MAN1C1: variants seen among roughly 807,000 people sequenced by gnomAD.
MAN1C1 encodes the protein mannosidase alpha class 1C member 1, also known as mannosyl-oligosaccharide 1,2-alpha-mannosidase IC.
A neutral mutation model predicts 71.5 loss-of-function variants in MAN1C1; 49 were observed. The ratio of observed to expected loss-of-function variants is 0.69; its 90% CI spans 0.54 to 0.87. The LOEUF is 0.87. MAN1C1 is among the 40% of genes least tolerant of loss of function. The pLI is 0.00. For missense variants in MAN1C1, 743 were observed against 835.0 expected (o/e 0.89, Z 1.36); for synonymous variants, 352 against 343.7 (o/e 1.02, Z -0.27).
Position 25,677,608 on chromosome 1 carries a change from C to T in MAN1C1, c.541-8832C>T, listed in dbSNP as rs140640065. ...CTTTCCCCAGTCAGCTACTGCACTG[C>T]CCTGGCCCATGTTTCTTAGAGACAT... On this transcript the variant is annotated intron_variant, in intron 1 of 11. Transcript: ENST00000374332. Among the ~76,000 whole-genome samples the T allele has an allele frequency of 3.2e-4, 48 of 152,248 alleles. No homozygotes were observed. The East Asian group carries it at 8.9e-3, about 28-fold the overall frequency.
In MAN1C1 at chr1:25,778,337, G is replaced by C; in HGVS notation, c.1477+13G>C. On this transcript the variant is annotated intron_variant, in intron 9 of 11. Transcript: ENST00000374332. The surrounding 1 kb of genome is among the most constrained non-coding windows in gnomAD (Gnocchi z 5.5). ...TACGCCCGCTCAGGTAACCCTGCAA[G>C]GGGAAGGGGCAGCAGGAGAGACTGA... The C allele has an allele frequency of 6.3e-7, 1 of 1,599,410 alleles. No individual in the cohort carries two copies. The highest frequency in any genetic ancestry group is 1.3e-5 in the African/African-American group (1 of 74,488).
intron 1 of MAN1C1, among the ~76,000 whole-genome samples, chr1:25,648,984 T>C (rs1320103902): frequency 6.6e-6 from 1 of 152,242 alleles, no homozygotes; most frequent in Non-Finnish European, 1.5e-5. Flanking sequence ...TGACTACCTG[T>C]CTTCTACTTC....
At chr1:25,777,984 G>A (rs1367276222) in intron 8 of MAN1C1, 121 bp from the exon 9 acceptor site, 3 of 725,846 alleles carry the variant, frequency 4.1e-6, no homozygotes, top group Admixed American at 3.2e-5. Context: ...TGCCTGGGAT[G>A]GAGGGCTTGG....
intron 2 of MAN1C1, among the ~76,000 whole-genome samples, chr1:25,719,035 C>T (rs1256080382): frequency 6.7e-6 from 1 of 149,126 alleles, no homozygotes; most frequent in Non-Finnish European, 1.5e-5. Context: ...TCCATTTTCT[C>T]TATATCTTTC....
chr1:25,737,399 C>T (rs1171776458), intron 2 of MAN1C1, among the ~76,000 whole-genome samples: 3 of 151,578 alleles, frequency 2.0e-5, no homozygotes, highest in African/African-American at 7.3e-5. Context: ...CTGCCCATTT[C>T]GCCCCCCCGA....
rs757054975 is a variant in MAN1C1, at chr1:25,665,855, C to CTTTTTTTT, written c.541-20570_541-20563dup. ...ATTTTCAGGTAATACTTGGCATTGG[C>CTTTTTTTT]TTTTTTTTTTTTTTTTTTTTTTGCA... On this transcript the variant is annotated intron_variant, in intron 1 of 11. Transcript: ENST00000374332. Among the ~76,000 whole-genome samples, 5 of 96,914 alleles carry CTTTTTTTT rather than the reference C, an allele frequency of 5.2e-5. 1 individual carries two copies. Among genetic ancestry groups the CTTTTTTTT allele is most frequent in the Non-Finnish European group, 5.8e-5 (3 of 51,442 alleles). The allele number at this position is 96,914 out of a possible 152,430, so 63.6% of individuals were successfully genotyped here. A position where few individuals can be genotyped will look rare whatever the true frequency, so the allele number is the denominator to read the frequency against.
At chr1:25,766,813 G>A (rs1418968361) in intron 7 of MAN1C1, among the ~76,000 whole-genome samples, 1 of 152,114 alleles carries the variant, frequency 6.6e-6, no homozygotes, top group Non-Finnish European at 1.5e-5. Flanking sequence ...TCTGTGGGAG[G>A]GAAGTGGCAA....
At chr1:25,620,052 G>A (rs1266928894) in intron 1 of MAN1C1, among the ~76,000 whole-genome samples, 1 of 152,236 alleles carries the variant, frequency 6.6e-6, no homozygotes, top group Non-Finnish European at 1.5e-5. Context: ...GGGCTGGAGA[G>A]TCATGGCAGG....
intron 2 of MAN1C1, among the ~76,000 whole-genome samples, chr1:25,726,829 G>A (rs1220109006): frequency 6.6e-6 from 1 of 151,630 alleles, no homozygotes; most frequent in Non-Finnish European, 1.5e-5. Flanking sequence ...GCCAAGGTGG[G>A]AGGATCACTT....
intron 1 of MAN1C1, among the ~76,000 whole-genome samples, chr1:25,675,300 T>A (rs927819676): frequency 1.4e-4 from 22 of 152,164 alleles, no homozygotes; most frequent in Non-Finnish European, 2.2e-4. Context: ...TGTGTCCTCA[T>A]AGCTTAGCTT....
intron 2 of MAN1C1, among the ~76,000 whole-genome samples, chr1:25,744,336 C>T (rs774339626): frequency 3.3e-5 from 5 of 152,290 alleles, no homozygotes; most frequent in Middle Eastern, 6.8e-3. Context: ...AGGATCAAGT[C>T]TGTTTGGCTT....
intron 1 of MAN1C1, among the ~76,000 whole-genome samples, chr1:25,669,018 C>A (rs911395368): frequency 6.6e-6 from 1 of 152,100 alleles, no homozygotes; most frequent in African/African-American, 2.4e-5. Context: ...TGAAAGAGTC[C>A]GGGTGAGCCA....
In MAN1C1 at chr1:25,783,970, C is replaced by A; in HGVS notation, c.*181C>A. ...ACAAGACTTGGAGACTCAGCGATGTCAGGCCAGGGCCATGGCCACACTGGC... is the reference window on the plus strand; with the variant it reads ...ACAAGACTTGGAGACTCAGCGATGTAAGGCCAGGGCCATGGCCACACTGGC... On this transcript the variant is annotated 3_prime_UTR_variant, in exon 12 of 12. Coordinates refer to ENST00000374332, the MANE Select transcript of MAN1C1 (RefSeq NM_020379.4). 1.3e-6 allele frequency: 1 copy of A among 765,552 alleles called. No homozygotes were observed. The highest frequency in any genetic ancestry group is 2.0e-6 in the Non-Finnish European group (1 of 493,392). The allele number at this position is 765,552 out of a possible 1,614,324, so 47.4% of individuals were successfully genotyped here. A position where few individuals can be genotyped will look rare whatever the true frequency, so the allele number is the denominator to read the frequency against.
chr1:25,737,064 C>T (rs2046992227), intron 2 of MAN1C1, among the ~76,000 whole-genome samples: 1 of 152,260 alleles, frequency 6.6e-6, no homozygotes, highest in South Asian at 2.1e-4. Context: ...TTCTGGGCTT[C>T]AGTTTTGAGA....
In MAN1C1 at chr1:25,679,006, C is replaced by T. The variant is rs577271130; in HGVS notation, c.541-7434C>T. Among the ~76,000 whole-genome samples the T allele has an allele frequency of 1.5e-4, 22 of 147,604 alleles. No individual in the cohort carries two copies. The South Asian group carries it at 1.7e-3, about 12-fold the overall frequency. ...GAGACAAGAAGAGAGAGAGAGGAGACGAGAGAGAGAGAGAGAAACAAGACG... is the reference window on the plus strand; with the variant it reads ...GAGACAAGAAGAGAGAGAGAGGAGATGAGAGAGAGAGAGAGAAACAAGACG... On this transcript the variant is annotated intron_variant, in intron 1 of 11. Transcript: ENST00000374332.
chr1:25,701,929 G>A (rs1165516192), intron 2 of MAN1C1, among the ~76,000 whole-genome samples: 1 of 152,142 alleles, frequency 6.6e-6, no homozygotes, highest in African/African-American at 2.4e-5. Flanking sequence ...GCGTGGTGGT[G>A]CACACCTGTA....
intron 1 of MAN1C1, among the ~76,000 whole-genome samples, chr1:25,630,971 G>GTTTA (rs35447194): frequency 2.7e-5 from 4 of 150,470 alleles, no homozygotes; most frequent in Non-Finnish European, 5.9e-5. Flanking sequence ...TTGTTTGTTT[G>GTTTA]TTTTTGTTTT....
At chr1:25,651,335 A>G (rs552702810) in intron 1 of MAN1C1, among the ~76,000 whole-genome samples, 1 of 152,286 alleles carries the variant, frequency 6.6e-6, no homozygotes, top group East Asian at 1.9e-4. Context: ...CCCGGCCTGC[A>G]CTGGCCTTGC....
At chr1:25,688,306 A>G (rs1231169437) in intron 2 of MAN1C1, among the ~76,000 whole-genome samples, 1 of 152,216 alleles carries the variant, frequency 6.6e-6, no homozygotes, top group Non-Finnish European at 1.5e-5. Context: ...CATAACCTAC[A>G]TCAGCCCTGG....
Sources: allele counts gnomAD v4.1 joint callset (sites outside exome capture counted in the v4.1 genomes callset), GRCh38; gene constraint gnomAD v4.1.1; non-coding constraint Gnocchi (gnomAD v3.1); transcripts MANE v1.5; gene names NCBI Gene and HGNC (gene_info 2026-07-23, HGNC 2026-07-21).